ANK3: variants seen among roughly 807,000 people sequenced by gnomAD.
ANK3 encodes ankyrin 3, also known as ankyrin-3.
Under a neutral mutation model 370.9 loss-of-function variants are expected in ANK3, and 57 were observed. The ratio of observed to expected loss-of-function variants is 0.15; its 90% CI spans 0.12 to 0.19. ANK3 has a LOEUF of 0.19. Ranked by LOEUF, ANK3 falls within the 10% of genes least tolerant of loss-of-function variation. The probability of loss-of-function intolerance (pLI) is 1.00; values close to 1 mark genes in which losing one functional copy is unlikely to be tolerated. For synonymous variants in ANK3, 1,929 were observed against 1,946.3 expected (o/e 0.99, Z 0.23); for missense variants, 4,439 against 5,302.1 (o/e 0.84, Z 5.06).
intron 32 of ANK3, chr10:60,084,278 C>T (rs182889814): frequency 2.6e-5 from 4 of 156,278 alleles, no homozygotes; most frequent in Non-Finnish European, 2.8e-5. Flanking sequence ...TGGTGGCAGG[C>T]GCCTGTAATC....
chr10:60,053,002 T>C (rs10994168), intron 42 of ANK3, among the ~76,000 whole-genome samples: 24,127 of 152,092 alleles, frequency 0.16, 2,540 homozygotes, highest in East Asian at 0.59. Flanking sequence ...TTACAGGAAA[T>C]TTCACCTCAA....
At chr10:60,196,964 G>A (rs1339518127) in intron 14 of ANK3, among the ~76,000 whole-genome samples, 1 of 152,092 alleles carries the variant, frequency 6.6e-6, no homozygotes, top group Non-Finnish European at 1.5e-5. Flanking sequence ...CTGGATCTGG[G>A]GCTTATTCTA....
intron 2 of ANK3, among the ~76,000 whole-genome samples, chr10:60,513,438 G>C (rs1319518012): frequency 6.6e-6 from 1 of 152,084 alleles, no homozygotes; most frequent in African/African-American, 2.4e-5. Context: ...TACCACTCTA[G>C]GTTGGCAGTG....
intron 16 of ANK3, among the ~76,000 whole-genome samples, chr10:60,192,322 T>C (rs1021842858): frequency 3.6e-4 from 54 of 149,208 alleles, no homozygotes; most frequent in African/African-American, 1.3e-3. Flanking sequence ...TGTGTGTATA[T>C]ATATATATGT....
intron 1 of ANK3, among the ~76,000 whole-genome samples, chr10:60,732,195 A>G (rs1194261713): frequency 6.6e-6 from 1 of 152,134 alleles, no homozygotes; most frequent in African/African-American, 2.4e-5. Context: ...AAAAAAACCA[A>G]AAGTCCTAAA....
chr10:60,336,747 C>T (rs551348618), intron 1 of ANK3, among the ~76,000 whole-genome samples: 2 of 152,264 alleles, frequency 1.3e-5, no homozygotes, highest in South Asian at 2.1e-4. Flanking sequence ...TCTACTGATG[C>T]CAGATGATGC....
chr10:60,467,037 C>T (rs190900633), intron 2 of ANK3, among the ~76,000 whole-genome samples: 69 of 152,158 alleles, frequency 4.5e-4, no homozygotes, highest in African/African-American at 1.6e-3. Context: ...CTAAAAACCA[C>T]TGAATTGTAT....
At chr10:60,659,091 A>G (rs1248147218) in intron 1 of ANK3, among the ~76,000 whole-genome samples, 1 of 152,172 alleles carries the variant, frequency 6.6e-6, no homozygotes, top group Non-Finnish European at 1.5e-5. Flanking sequence ...ACTCTAAATG[A>G]ATTGTAGCCC....
chr10:60,521,441 T>C (rs984691671), intron 2 of ANK3, among the ~76,000 whole-genome samples: 14 of 152,086 alleles, frequency 9.2e-5, no homozygotes, highest in African/African-American at 2.4e-4. Context: ...AAAAGCATAG[T>C]GGTATTAACT....
rs771714886 is a variant in ANK3 at position 60,177,593 on chromosome 10, CTTTT to C, written c.2184+3732_2184+3735del. 2.5e-3 allele frequency among the ~76,000 whole-genome samples: 268 copies of C among 106,284 alleles called. 5 individuals are homozygous for C. Among genetic ancestry groups the C allele is most frequent in the African/African-American group, 8.7e-3 (255 of 29,436 alleles). 69.7% of individuals were successfully genotyped at this position (106,284 alleles called of 152,430 possible). The stretch of plus-strand genomic sequence containing the variant: ...CCCATACCACACATGGTCTTCAAAT[CTTTT>C]TTTTTTTTTTTTTTGTTTGAGATGG... On this transcript the variant is annotated intron_variant, in intron 18 of 43. Transcript: ENST00000280772.
intron 1 of ANK3, among the ~76,000 whole-genome samples, chr10:60,666,731 T>G (rs909035429): frequency 1.2e-4 from 19 of 152,222 alleles, no homozygotes; most frequent in African/African-American, 4.6e-4. Context: ...TCTATAAGTC[T>G]ATCATTCTCA....
At chr10:60,379,363 G>A (rs886070171) in intron 1 of ANK3, among the ~76,000 whole-genome samples, 1 of 152,038 alleles carries the variant, frequency 6.6e-6, no homozygotes, top group African/African-American at 2.4e-5. Context: ...TGCCACTACT[G>A]GGCATTTATG....
At chr10:60,166,994 A>C in intron 21 of ANK3, 98 bp from the exon 22 acceptor site, 1 of 987,876 alleles carries the variant, frequency 1.0e-6, no homozygotes, top group Non-Finnish European at 1.6e-6. Flanking sequence ...TGTGGAATGT[A>C]TGTGTTGAAT....
At chr10:60,579,884 T>C (rs1595311929) in intron 2 of ANK3, among the ~76,000 whole-genome samples, 2 of 152,158 alleles carry the variant, frequency 1.3e-5, no homozygotes. Context: ...ATTTAAGACA[T>C]GGTAAAATGA....
At chr10:60,394,324 G>T (rs1594943307), upstream of ANK3, among the ~76,000 whole-genome samples, 4 of 151,998 alleles carry the variant, frequency 2.6e-5, no homozygotes, top group South Asian at 6.2e-4. Flanking sequence ...TTTTAGATGA[G>T]ACATATGAAG....
intron 18 of ANK3, among the ~76,000 whole-genome samples, chr10:60,174,113 A>G (rs1353469456): frequency 6.6e-6 from 1 of 152,228 alleles, no homozygotes; most frequent in African/African-American, 2.4e-5. Flanking sequence ...TCTGTATCTT[A>G]TATGATGGCA....
At chr10:60,276,129 T>C (rs1316609979) in intron 4 of ANK3, among the ~76,000 whole-genome samples, 1 of 152,192 alleles carries the variant, frequency 6.6e-6, no homozygotes, top group Non-Finnish European at 1.5e-5. Flanking sequence ...TCCTAGTTTA[T>C]AGAGCCTTGG....
intron 2 of ANK3, among the ~76,000 whole-genome samples, chr10:60,469,269 A>G (rs2133075806): frequency 6.9e-6 from 1 of 144,332 alleles, no homozygotes; most frequent in African/African-American, 2.5e-5. Flanking sequence ...ATATATATAT[A>G]TACCATTTTT....
At chr10:60,638,915 G>A (rs2078591827) in intron 1 of ANK3, among the ~76,000 whole-genome samples, 1 of 136,558 alleles carries the variant, frequency 7.3e-6, no homozygotes, top group African/African-American at 2.7e-5. Flanking sequence ...AGTCTAACAT[G>A]TATAATTGTA....
Sources: allele counts gnomAD v4.1 joint callset (sites outside exome capture counted in the v4.1 genomes callset), GRCh38; gene constraint gnomAD v4.1.1; transcripts MANE v1.5; gene names NCBI Gene and HGNC (gene_info 2026-07-23, HGNC 2026-07-21).